Variants in CCDC178 observed in about 807,000 individuals in gnomAD.
The protein encoded by CCDC178 is coiled-coil domain-containing protein 178.
In CCDC178, 126 loss-of-function variants were observed where a neutral mutation model predicts 117.4. The observed-to-expected ratio is 1.07, with a 90% CI of 0.93 to 1.24. The LOEUF is 1.24. Among genes scored for constraint, CCDC178 ranks in the 50% most tolerant of loss-of-function variants. The probability of loss-of-function intolerance (pLI) is 0.00; values close to 1 mark genes in which losing one functional copy is unlikely to be tolerated. For missense variants in CCDC178, 1,030 were observed against 986.9 expected (o/e 1.04, Z -0.59); for synonymous variants, 283 against 313.4 (o/e 0.90, Z 1.02).
At chr18:33,102,152 A>T (rs1567989360) in intron 20 of CCDC178, among the ~76,000 whole-genome samples, 2 of 151,780 alleles carry the variant, frequency 1.3e-5, no homozygotes, top group Non-Finnish European at 1.5e-5. Flanking sequence ...ATAAAAATTT[A>T]AAAAAATTTT....
At chr18:33,117,407 A>G (rs898820704) in intron 20 of CCDC178, among the ~76,000 whole-genome samples, 2 of 152,062 alleles carry the variant, frequency 1.3e-5, no homozygotes, top group Admixed American at 6.6e-5. Flanking sequence ...GGATACAGCC[A>G]CTGCAGAGTC....
In CCDC178 at chr18:33,397,245, C is replaced by T. The variant is rs545945454; in HGVS notation, c.59-37G>A. On this transcript the variant is annotated intron_variant, in intron 3 of 22. Transcript: ENST00000383096. ...AAAATAAAACAAAATAAAATATCTG[C>T]TTCCTGAGTCAAATATTCTGCCCTA... is the stretch of plus-strand genomic sequence containing the variant. 2.2e-5 allele frequency: 30 copies of T among 1,382,956 alleles called. No homozygotes were observed. In the East Asian group the frequency reaches 5.5e-4, roughly 25 times the overall value. The allele number at this position is 1,382,956 out of a possible 1,614,324, so 85.7% of individuals were successfully genotyped here.
intron 21 of CCDC178, among the ~76,000 whole-genome samples, chr18:33,037,471 A>C (rs1374028272): frequency 6.6e-6 from 1 of 151,932 alleles, no homozygotes; most frequent in East Asian, 1.9e-4. Context: ...TTTATTCATT[A>C]CTGTACAATC....
At chr18:33,044,612 T>C (rs957791046) in intron 21 of CCDC178, among the ~76,000 whole-genome samples, 23 of 152,180 alleles carry the variant, frequency 1.5e-4, no homozygotes, top group African/African-American at 5.3e-4. Context: ...TGAAAAGCAG[T>C]ATAGAGATTT....
At chr18:33,118,956 A>C (rs998581647) in intron 20 of CCDC178, among the ~76,000 whole-genome samples, 1 of 152,190 alleles carries the variant, frequency 6.6e-6, no homozygotes, top group African/African-American at 2.4e-5. Flanking sequence ...CCTATTTAAT[A>C]AATGATGCTG....
At chr18:33,310,168 C>A (rs1431522086) in intron 11 of CCDC178, among the ~76,000 whole-genome samples, 1 of 151,882 alleles carries the variant, frequency 6.6e-6, no homozygotes, top group African/African-American at 2.4e-5. Flanking sequence ...ACCATGTTGG[C>A]CAGGATGGTC....
chr18:33,407,723 G>A (rs1157277389), intron 3 of CCDC178, among the ~76,000 whole-genome samples: 2 of 152,008 alleles, frequency 1.3e-5, no homozygotes, highest in East Asian at 3.9e-4. Context: ...ATTATAACTT[G>A]CTAATCAATA....
At chr18:33,187,968 G>A (rs1323857580) in intron 20 of CCDC178, among the ~76,000 whole-genome samples, 2 of 152,038 alleles carry the variant, frequency 1.3e-5, no homozygotes, top group African/African-American at 2.4e-5. Context: ...CTTCACCAAG[G>A]CTTTGCAAAA....
At chr18:33,275,791 A>C (rs2059942265) in intron 12 of CCDC178, among the ~76,000 whole-genome samples, 1 of 151,270 alleles carries the variant, frequency 6.6e-6, no homozygotes, top group Non-Finnish European at 1.5e-5. Context: ...TTGCAAATTC[A>C]TTGGTTTCTA....
intron 20 of CCDC178, among the ~76,000 whole-genome samples, chr18:33,121,336 G>A (rs1038709323): frequency 6.6e-6 from 1 of 152,048 alleles, no homozygotes; most frequent in Non-Finnish European, 1.5e-5. Context: ...CTGAGTTCCA[G>A]GCTGCCCAAA....
intron 3 of CCDC178, 55 bp downstream of exon 3, chr18:33,411,976 A>T (rs1027064902): frequency 1.1e-6 from 1 of 933,338 alleles, no homozygotes; most frequent in Admixed American, 2.3e-5. Flanking sequence ...AAGTGATGTG[A>T]ATTCCATTTA....
intron 4 of CCDC178, among the ~76,000 whole-genome samples, chr18:33,392,251 C>T (rs2063574300): frequency 6.6e-6 from 1 of 152,146 alleles, no homozygotes; most frequent in Non-Finnish European, 1.5e-5. Context: ...TAATAGAGCA[C>T]TAGAGGCAAA....
chr18:32,982,581 C>G (rs1031450347), intron 21 of CCDC178, among the ~76,000 whole-genome samples: 1 of 152,016 alleles, frequency 6.6e-6, no homozygotes, highest in African/African-American at 2.4e-5. Flanking sequence ...CTTATTTATA[C>G]TTTTTTGGAT....
intron 21 of CCDC178, among the ~76,000 whole-genome samples, chr18:33,059,816 G>T (rs1410053945): frequency 6.6e-6 from 1 of 152,018 alleles, no homozygotes; most frequent in African/African-American, 2.4e-5. Flanking sequence ...ACATAAACTT[G>T]GTCATGCCAT....
chr18:33,295,530 T>C (rs1357111551), intron 11 of CCDC178, among the ~76,000 whole-genome samples: 1 of 152,076 alleles, frequency 6.6e-6, no homozygotes, highest in Non-Finnish European at 1.5e-5. Flanking sequence ...AGAATATATT[T>C]ACATATAACA....
chr18:33,036,290 GA>G (rs1567947410), intron 21 of CCDC178, among the ~76,000 whole-genome samples: 1 of 151,572 alleles, frequency 6.6e-6, no homozygotes, highest in Non-Finnish European at 1.5e-5. Flanking sequence ...CCTTGTGCCT[GA>G]AAAAATCTAT....
At chr18:33,258,067 T>A (rs975982603) in intron 14 of CCDC178, among the ~76,000 whole-genome samples, 8 of 151,886 alleles carry the variant, frequency 5.3e-5, no homozygotes, top group African/African-American at 1.9e-4. Flanking sequence ...AAAGCCTTTA[T>A]CTATATGTCT....
chr18:33,128,845 T>C (rs1353300932), intron 20 of CCDC178, among the ~76,000 whole-genome samples: 6 of 152,194 alleles, frequency 3.9e-5, no homozygotes. Flanking sequence ...CTCAAACCTC[T>C]GATTGCACCA....
rs375252421 is a variant in CCDC178, at chr18:33,214,473, G to A, written c.2078+1077C>T. Among the ~76,000 whole-genome samples the A allele has an allele frequency of 2.2e-4, 33 of 152,066 alleles. No homozygotes were observed. The East Asian group carries it at 5.6e-3, about 26-fold the overall frequency. Reference sequence around the variant, plus strand: ...GCCATATAATCCAGCTTCAGAAGAAGTTAGGATTGAAACGGGAGGAAGCCT... The same window carrying A: ...GCCATATAATCCAGCTTCAGAAGAAATTAGGATTGAAACGGGAGGAAGCCT... On this transcript the variant is annotated intron_variant, in intron 19 of 22. Coordinates refer to ENST00000383096, the MANE Select transcript of CCDC178 (RefSeq NM_001105528.4).
Sources: allele counts gnomAD v4.1 joint callset (sites outside exome capture counted in the v4.1 genomes callset), GRCh38; gene constraint gnomAD v4.1.1; transcripts MANE v1.5; gene names NCBI Gene and HGNC (gene_info 2026-07-23, HGNC 2026-07-21).